The following SPPL2B variants were observed in gnomAD, a reference collection of about 807,000 sequenced individuals.
The protein encoded by SPPL2B is signal peptide peptidase-like 2B.
SPPL2B carries 39 observed loss-of-function variants against 59.7 expected under a neutral mutation model. The ratio of observed to expected loss-of-function variants is 0.65; its 90% CI spans 0.51 to 0.85. The LOEUF (loss-of-function observed/expected upper bound fraction) is 0.85. Ranked by LOEUF, SPPL2B falls within the 40% of genes least tolerant of loss-of-function variation. The probability of loss-of-function intolerance (pLI) is 0.00; values close to 1 mark genes in which losing one functional copy is unlikely to be tolerated. For missense variants in SPPL2B, 865 were observed against 849.0 expected, an observed-to-expected ratio of 1.02 and a Z score of -0.23; for synonymous variants, 419 against 370.8, an observed-to-expected ratio of 1.13 and a Z score of -1.49.
chr19:2,338,874 G>A (rs1042811232), intron 4 of SPPL2B, 33 bp downstream of exon 4: 12 of 1,599,542 alleles, frequency 7.5e-6, no homozygotes, highest in Admixed American at 5.0e-5. Flanking sequence ...CCACGCTCCC[G>A]AGGAGATGGG....
intron 13 of SPPL2B, among the ~76,000 whole-genome samples, chr19:2,348,929 T>TTC (rs370701277): frequency 1.3e-5 from 1 of 76,558 alleles, no homozygotes; most frequent in East Asian, 3.6e-4. Flanking sequence ...CTTGATTCTG[T>TTC]TCTCTCTCTC....
chr19:2,347,229 G>A (rs866121783), intron 13 of SPPL2B, among the ~76,000 whole-genome samples: 4 of 96,544 alleles, frequency 4.1e-5, no homozygotes, highest in Admixed American at 1.2e-4. Context: ...ACACACTCAC[G>A]CGCTCTCATT....
chr19:2,347,471 T>TTC (rs536459683), intron 13 of SPPL2B, among the ~76,000 whole-genome samples: 1 of 38,502 alleles, frequency 2.6e-5, no homozygotes, highest in Non-Finnish European at 4.3e-5. Context: ...CCTGATTCCG[T>TTC]TCTCTCTCCA....
chr19:2,348,489 ACACT>A (rs1320416309), intron 13 of SPPL2B, among the ~76,000 whole-genome samples: 2 of 145,568 alleles, frequency 1.4e-5, no homozygotes, highest in African/African-American at 5.2e-5. Flanking sequence ...CTCTCCACAC[ACACT>A]CACGCTCTCA....
rs1305261589 is a variant in SPPL2B at position 2,338,841 on chromosome 19, G to A, written c.459G>A (p.Thr153=). The A allele has an allele frequency of 1.9e-6, 3 of 1,612,862 alleles. No individual in the cohort carries two copies. Among genetic ancestry groups the A allele is most frequent in the Non-Finnish European group, 8.5e-7 (1 of 1,179,358 alleles). ...ACAAAGACATGCTGGACATCTTCAC[G>A]GTAGGTCTGCGCCGGCTCAGACCCA... The part of the protein sequence containing the change: ...LSYKDMLDIF[T]RFGRTVRAAL... The change falls in exon 4 of 15, where the codon ACG becomes ACA. Residue 153 remains threonine (T), a splice_region_variant and synonymous_variant. Transcript: ENST00000613503.
At chr19:2,344,097 A>AC in intron 10 of SPPL2B, 58 bp downstream of exon 10, 2 of 760,704 alleles carry the variant, frequency 2.6e-6, no homozygotes, top group African/African-American at 5.1e-5. Context: ...CCCCCTCGCA[A>AC]CCCCCGCCCC....
Position 2,344,367 on chromosome 19 carries a change from G to A in SPPL2B, c.1119G>A (p.Gly373=). Residue 373 remains glycine, a synonymous_variant, in exon 11 of 15, where the codon GGG becomes GGA. Transcript: ENST00000613503. The part of the protein sequence containing the change: ...VFITPFLTKS[G]SSIMVEVATG... ...CTCAACCCCATTCTGTGCAGAGTGG[G>A]AGCAGCATCATGGTGGAGGTGGCCA... is the stretch of plus-strand genomic sequence containing the variant. The A allele has an allele frequency of 1.3e-6, 2 of 1,552,406 alleles. No individual in the cohort carries two copies. The highest frequency in any genetic ancestry group is 3.9e-5 in the Admixed American group (2 of 51,664).
At chr19:2,340,712 G>A (rs1297086763) in intron 7 of SPPL2B, among the ~76,000 whole-genome samples, 186 bp from the exon 8 acceptor site, 1 of 152,034 alleles carries the variant, frequency 6.6e-6, no homozygotes, top group African/African-American at 2.4e-5. Flanking sequence ...CGCCTGCCCG[G>A]GTCGGGCTCT....
Position 2,351,420 on chromosome 19 carries a change from C to T in SPPL2B, c.1355-14C>T, listed in dbSNP as rs2145209964. 1.9e-6 allele frequency: 3 copies of T among 1,587,088 alleles called. No individual in the cohort carries two copies. The highest frequency in any genetic ancestry group is 1.7e-4 in the Middle Eastern group (1 of 5,854). ...GCCTGCCTGGCTGAGGTGATGCCTC[C>T]TCTGTCCCCACAGCCTATGGCGTTG... On this transcript the variant is annotated splice_polypyrimidine_tract_variant and intron_variant, in intron 13 of 14. Transcript: ENST00000613503.
intron 1 of SPPL2B, among the ~76,000 whole-genome samples, chr19:2,329,503 A>G (rs1048903376): frequency 2.6e-5 from 4 of 152,148 alleles, no homozygotes; most frequent in African/African-American, 9.7e-5. Flanking sequence ...GCACTGTCAT[A>G]ACTGCATCTT....
chr19:2,343,500 G>A (rs79980491), intron 9 of SPPL2B, among the ~76,000 whole-genome samples: 12,374 of 152,266 alleles, frequency 0.081, 679 homozygotes, highest in Non-Finnish European at 0.12. Context: ...TGGCTGCGGG[G>A]CGGTTCCCGG....
intron 1 of SPPL2B, among the ~76,000 whole-genome samples, chr19:2,329,159 C>T (rs1968150292): frequency 6.6e-6 from 1 of 152,248 alleles, no homozygotes; most frequent in Non-Finnish European, 1.5e-5. Context: ...CCTCAGTTTC[C>T]CCTTAGGCGG....
rs1163826534 is a variant in SPPL2B, at chr19:2,347,553, C to T, written c.1354+2223C>T. Among the ~76,000 whole-genome samples the T allele has an allele frequency of 6.1e-4, 3 of 4,900 alleles. 1 individual carries two copies. The highest frequency in any genetic ancestry group is 8.1e-4 in the Non-Finnish European group (3 of 3,684). The allele number at this position is 4,900 out of a possible 152,430, so 3.2% of individuals were successfully genotyped here. ...ACACACACACTCACGCGCTCTCATT[C>T]GCTTGATGCCGTTCTCTCTCCACAC... On this transcript the variant is annotated intron_variant, in intron 13 of 14. Transcript: ENST00000613503.
In SPPL2B at chr19:2,352,960, A is replaced by G. The variant is rs1393359489; in HGVS notation, c.1530A>G (p.Pro510=). 6.2e-7 allele frequency: 1 copy of G among 1,610,818 alleles called. No homozygotes were observed. Among genetic ancestry groups the G allele is most frequent in the Non-Finnish European group, 8.5e-7 (1 of 1,179,336 alleles). The change falls in exon 15 of 15, where the codon CCA becomes CCG. Residue 510 remains proline, a synonymous_variant. Transcript: ENST00000613503. ...TTCTCCTGTAGAAAGTCCTACCTCC[A>G]TCTCCGTGGGCCCCAGCACCAGCCG... ...TGSGFAKVLP[P]SPWAPAPADG...
chr19:2,341,138 G>A (rs1336305083), intron 8 of SPPL2B, 124 bp downstream of exon 8: 11 of 743,844 alleles, frequency 1.5e-5, no homozygotes, highest in African/African-American at 1.2e-4. Context: ...TCAGCACCGC[G>A]TGATGAAGAG....
chr19:2,336,456 T>G (rs1456567977), intron 2 of SPPL2B, among the ~76,000 whole-genome samples: 1 of 151,902 alleles, frequency 6.6e-6, no homozygotes, highest in Non-Finnish European at 1.5e-5. Context: ...CCTGTGTGTT[T>G]GGGTTCGTGT....
chr19:2,351,835 C>T (rs1213172987), intron 14 of SPPL2B, among the ~76,000 whole-genome samples: 6 of 113,470 alleles, frequency 5.3e-5, no homozygotes, highest in African/African-American at 1.3e-4. Flanking sequence ...GGGTGGGACG[C>T]GGGGGTGCCG....
chr19:2,353,117 G>A lies in SPPL2B; in HGVS notation c.1687G>A (p.Ala563Thr). The A allele has an allele frequency of 6.2e-7, 1 of 1,610,626 alleles. No homozygotes were observed. The highest frequency in any genetic ancestry group is 8.5e-7 in the Non-Finnish European group (1 of 1,179,190). ...SRTSEEMGAG[A>T]PMREPGSPAE... ...CACGTCCGAGGAGATGGGGGCTGGA[G>A]CCCCCATGCGGGAGCCTGGGAGCCC... The change falls in exon 15 of 15, where the codon GCC becomes ACC. Residue 563 changes from alanine (A) to threonine (T), a missense_variant. Transcript: ENST00000613503.
intron 14 of SPPL2B, 175 bp downstream of exon 14, chr19:2,351,769 G>A (rs998576298): frequency 6.9e-5 from 58 of 846,498 alleles, no homozygotes; most frequent in Non-Finnish European, 4.9e-5. Flanking sequence ...AAGGACGTGC[G>A]TGCAGCTCCT....
Sources: allele counts gnomAD v4.1 joint callset (sites outside exome capture counted in the v4.1 genomes callset), GRCh38; gene constraint gnomAD v4.1.1; transcripts MANE v1.5; gene names NCBI Gene and HGNC (gene_info 2026-07-23, HGNC 2026-07-21).